COBLL1: variants seen among roughly 807,000 people sequenced by gnomAD.
COBLL1 encodes cordon-bleu WH2 repeat protein like 1.
COBLL1 carries 50 observed loss-of-function variants against 94.8 expected under a neutral mutation model. The ratio of observed to expected loss-of-function variants is 0.53; its 90% CI spans 0.42 to 0.67. COBLL1 has a LOEUF of 0.67. Among genes scored for constraint, COBLL1 ranks in the 30% least tolerant of loss-of-function variants. The probability of loss-of-function intolerance (pLI) is 0.00; values close to 1 mark genes in which losing one functional copy is unlikely to be tolerated. For missense variants in COBLL1, 1,362 were observed against 1,348.7 expected (o/e 1.01, Z -0.15); for synonymous variants, 448 against 473.8 (o/e 0.95, Z 0.71).
chr2:164,793,988 A>C (rs932376168), intron 2 of COBLL1, among the ~76,000 whole-genome samples: 2 of 152,344 alleles, frequency 1.3e-5, no homozygotes, highest in African/African-American at 4.8e-5. Flanking sequence ...ATGGCTTTTT[A>C]CATAAATTAT....
chr2:164,811,459 AGTG>A (rs762183223), intron 2 of COBLL1, among the ~76,000 whole-genome samples: 6 of 151,962 alleles, frequency 3.9e-5, no homozygotes, highest in Non-Finnish European at 5.9e-5. Flanking sequence ...TGTACATAAC[AGTG>A]AATCTAAGAT....
chr2:164,823,573 A>C lies in COBLL1; in HGVS notation c.41+17583T>G, dbSNP rs145600722. Among the ~76,000 whole-genome samples the C allele has an allele frequency of 4.2e-3, 637 of 152,300 alleles. 2 individuals carry two copies. Among genetic ancestry groups the C allele is most frequent in the Non-Finnish European group, 6.1e-3 (417 of 68,030 alleles). On this transcript the variant is annotated intron_variant, in intron 2 of 13. Coordinates refer to ENST00000652658, the MANE Select transcript of COBLL1 (RefSeq NM_001365672.2). ...GTACAGCCTGGTGAGCACCAAGGCTATACTTGAATAATTGCATACCCCTGA... is the reference window on the plus strand; with the variant it reads ...GTACAGCCTGGTGAGCACCAAGGCTCTACTTGAATAATTGCATACCCCTGA...
At chr2:164,671,100 C>T (rs762598475) in intron 1 of COBLL1, among the ~76,000 whole-genome samples, 5 of 152,114 alleles carry the variant, frequency 3.3e-5, no homozygotes, top group Admixed American at 1.3e-4. Flanking sequence ...CTCTGGTTTG[C>T]AAACCTCTTA....
At chr2:164,805,337 CTA>C (rs71028444) in intron 2 of COBLL1, among the ~76,000 whole-genome samples, 40 of 17,028 alleles carry the variant, frequency 2.3e-3, no homozygotes, top group East Asian at 7.6e-3. Flanking sequence ...CTCTCTCTCT[CTA>C]TATATATATA....
At chr2:164,704,361 A>G in intron 9 of COBLL1, 83 bp downstream of exon 9, 1 of 915,980 alleles carries the variant, frequency 1.1e-6, no homozygotes, top group Non-Finnish European at 1.8e-6. Context: ...TTCATGTACA[A>G]AGCATCGCAA....
At chr2:164,840,805 C>T (rs1683560403) in intron 2 of COBLL1, 2 of 226,110 alleles carry the variant, frequency 8.8e-6, no homozygotes, top group Non-Finnish European at 1.7e-5. Flanking sequence ...CCCTCCCTCC[C>T]CAGGAGCTCA....
At chr2:164,798,816 G>A (rs113730117) in intron 2 of COBLL1, among the ~76,000 whole-genome samples, 1,958 of 151,620 alleles carry the variant, frequency 0.013, 32 homozygotes, top group African/African-American at 0.04. Context: ...TCAGGAGATC[G>A]AGACCACCCT....
At chr2:164,676,658 C>A (rs541119308), downstream of COBLL1, among the ~76,000 whole-genome samples, 5 of 151,942 alleles carry the variant, frequency 3.3e-5, no homozygotes, top group South Asian at 1.0e-3. Flanking sequence ...ACCAAATATG[C>A]CATCGATTCT....
intron 2 of COBLL1, among the ~76,000 whole-genome samples, chr2:164,759,829 A>G (rs1687596053): frequency 6.6e-6 from 1 of 152,258 alleles, no homozygotes; most frequent in Admixed American, 6.5e-5. Context: ...ATCTATTAGG[A>G]AAATGCAAAT....
At chr2:164,660,007 C>T (rs1691044506) in intron 2 of COBLL1, among the ~76,000 whole-genome samples, 1 of 152,296 alleles carries the variant, frequency 6.6e-6, no homozygotes, top group Middle Eastern at 3.4e-3. Context: ...ATTTGAGGTA[C>T]TGTCCTGCAG....
chr2:164,784,694 T>G (rs75409655), intron 2 of COBLL1, among the ~76,000 whole-genome samples: 6,294 of 152,076 alleles, frequency 0.041, 429 homozygotes, highest in African/African-American at 0.14. Flanking sequence ...TCATGGGTAA[T>G]CAGGGTGCAA....
intron 7 of COBLL1, among the ~76,000 whole-genome samples, chr2:164,706,624 G>A (rs1404287979): frequency 6.6e-6 from 1 of 152,044 alleles, no homozygotes; most frequent in Non-Finnish European, 1.5e-5. Flanking sequence ...CCCTGTCTTA[G>A]TAAAGAACAA....
At chr2:164,762,972 A>G (rs1009487511) in intron 2 of COBLL1, among the ~76,000 whole-genome samples, 7 of 152,186 alleles carry the variant, frequency 4.6e-5, no homozygotes, top group African/African-American at 1.4e-4. Context: ...CCAGGATTAC[A>G]GGCTAGAGCC....
intron 9 of COBLL1, among the ~76,000 whole-genome samples, chr2:164,702,387 C>A (rs1425643932): frequency 6.6e-6 from 1 of 151,252 alleles, no homozygotes; most frequent in East Asian, 2.0e-4. Context: ...CATAGTGAAA[C>A]CCCGTCTCTA....
At chr2:164,802,839 G>C (rs1234139420) in intron 2 of COBLL1, among the ~76,000 whole-genome samples, 2 of 151,954 alleles carry the variant, frequency 1.3e-5, no homozygotes, top group Non-Finnish European at 2.9e-5. Context: ...GCTTAAAGGA[G>C]GGAAAGAGAG....
intron 3 of COBLL1, among the ~76,000 whole-genome samples, chr2:164,740,896 A>G (rs893506385): frequency 1.3e-5 from 2 of 150,906 alleles, no homozygotes; most frequent in Non-Finnish European, 2.9e-5. Context: ...AGGGGGGGAA[A>G]AGTTCATAAA....
chr2:164,796,705 CAA>C (rs34412964), intron 2 of COBLL1, among the ~76,000 whole-genome samples: 2 of 86,700 alleles, frequency 2.3e-5, no homozygotes, highest in Admixed American at 1.3e-4. Context: ...GCTGGCCTTC[CAA>C]AAAAAAAAAA....
intron 3 of COBLL1, among the ~76,000 whole-genome samples, chr2:164,731,375 A>C (rs1216892197): frequency 1.3e-5 from 2 of 152,248 alleles, no homozygotes; most frequent in African/African-American, 4.8e-5. Context: ...CTTGGAATTC[A>C]GGGATACTTA....
rs146376483 is a variant in COBLL1, at chr2:164,743,830, T to C, written c.87A>G (p.Lys29=). The C allele has an allele frequency of 1.6e-5, 26 of 1,609,620 alleles. No individual in the cohort carries two copies. The African/African-American group carries it at 1.9e-4, about 12-fold the overall frequency. ...AKAPLPPAET[K]YTDVSSAADS... Reference sequence around the variant, plus strand: ...CAGCAGCTGAAGAGACATCAGTATATTTGGTCTCAGCTGGAGGAAGTGGTG... The same window carrying C: ...CAGCAGCTGAAGAGACATCAGTATACTTGGTCTCAGCTGGAGGAAGTGGTG... The change falls in exon 3 of 14, where the codon AAA becomes AAG. Residue 29 remains lysine (K), a synonymous_variant. Coordinates refer to ENST00000652658, the MANE Select transcript of COBLL1 (RefSeq NM_001365672.2).
Sources: allele counts gnomAD v4.1 joint callset (sites outside exome capture counted in the v4.1 genomes callset), GRCh38; gene constraint gnomAD v4.1.1; transcripts MANE v1.5; gene names NCBI Gene and HGNC (gene_info 2026-07-23, HGNC 2026-07-21).